SENP6: variants seen among roughly 807,000 people sequenced by gnomAD.
The protein encoded by SENP6 is SUMO specific peptidase 6.
A neutral mutation model predicts 134.5 loss-of-function variants in SENP6; 41 were observed. The ratio of observed to expected loss-of-function variants is 0.30; its 90% CI spans 0.24 to 0.40. The LOEUF (loss-of-function observed/expected upper bound fraction) is 0.40, where lower values mean the gene tolerates loss of function less well. Ranked by LOEUF, SENP6 falls within the 10% of genes least tolerant of loss-of-function variation. SENP6 has a pLI of 1.00. For missense variants in SENP6, 1,248 were observed against 1,312.5 expected (o/e 0.95, Z 0.76); for synonymous variants, 395 against 429.8 (o/e 0.92, Z 1.00).
At chr6:75,635,025 A>T (rs972811053) in intron 5 of SENP6, 3 of 632,590 alleles carry the variant, frequency 4.7e-6, no homozygotes, top group African/African-American at 1.8e-5. Context: ...TTTCACTAAG[A>T]CCTGTTGTAT....
chr6:75,630,521 A>G (rs2149835764), intron 3 of SENP6, among the ~76,000 whole-genome samples: 1 of 152,314 alleles, frequency 6.6e-6, no homozygotes, highest in East Asian at 1.9e-4. Context: ...TATCTCACAG[A>G]GCTCAGACTG....
intron 6 of SENP6, among the ~76,000 whole-genome samples, chr6:75,644,887 G>GAT (rs138033981): frequency 6.6e-6 from 1 of 152,302 alleles, no homozygotes; most frequent in East Asian, 1.9e-4. Flanking sequence ...TAGGGTAAGA[G>GAT]ATATAAGGGT....
chr6:75,667,056 G>A, intron 10 of SENP6, 115 bp downstream of exon 10: 3 of 552,948 alleles, frequency 5.4e-6, no homozygotes, highest in South Asian at 2.6e-5. Flanking sequence ...TATTAAGTGG[G>A]GCTTAAATAC....
At chr6:75,649,871 CAG>C (rs1384062575) in intron 7 of SENP6, among the ~76,000 whole-genome samples, 2 of 152,186 alleles carry the variant, frequency 1.3e-5, no homozygotes, top group East Asian at 3.8e-4. Context: ...AAATTTAATA[CAG>C]AGACATACGT....
At chr6:75,675,295 T>A (rs565788048) in intron 11 of SENP6, 140 bp from the exon 12 acceptor site, 199 of 524,728 alleles carry the variant, frequency 3.8e-4, no homozygotes, top group Non-Finnish European at 5.8e-4. Flanking sequence ...AGGTGTTCAT[T>A]ATAATGTTAT....
At chr6:75,700,003 T>C (rs1330628885) in intron 18 of SENP6, among the ~76,000 whole-genome samples, 1 of 151,714 alleles carries the variant, frequency 6.6e-6, no homozygotes, top group African/African-American at 2.4e-5. Flanking sequence ...TTCAAACTCC[T>C]AGGCTTAAGC....
At chr6:75,691,683 T>C (rs1283401400) in intron 16 of SENP6, among the ~76,000 whole-genome samples, 1 of 151,956 alleles carries the variant, frequency 6.6e-6, no homozygotes, top group Non-Finnish European at 1.5e-5. Context: ...CACTGCAAGC[T>C]CCGCCTCCCT....
At chr6:75,712,253 C>CT (rs1437026720) in intron 21 of SENP6, among the ~76,000 whole-genome samples, 3 of 151,918 alleles carry the variant, frequency 2.0e-5, no homozygotes, top group African/African-American at 7.3e-5. Flanking sequence ...TCTCCTTTGA[C>CT]TTTTTTTTAT....
At chr6:75,694,898 A>G (rs1328435520) in intron 16 of SENP6, among the ~76,000 whole-genome samples, 3 of 151,980 alleles carry the variant, frequency 2.0e-5, no homozygotes, top group Non-Finnish European at 4.4e-5. Context: ...CTTGAGACCA[A>G]GTCTTGGTCT....
intron 7 of SENP6, among the ~76,000 whole-genome samples, chr6:75,654,514 A>C (rs1009561628): frequency 1.3e-5 from 2 of 152,226 alleles, no homozygotes; most frequent in African/African-American, 4.8e-5. Context: ...GCCAGAAGTG[A>C]TTTTTAAAGA....
intron 4 of SENP6, among the ~76,000 whole-genome samples, chr6:75,634,006 A>G (rs1769312769): frequency 6.6e-6 from 1 of 152,194 alleles, no homozygotes; most frequent in Non-Finnish European, 1.5e-5. Context: ...CTCAGTCATA[A>G]TATTTGAAGA....
intron 10 of SENP6, among the ~76,000 whole-genome samples, chr6:75,667,672 A>G (rs1002415915): frequency 6.6e-6 from 1 of 152,196 alleles, no homozygotes; most frequent in Non-Finnish European, 1.5e-5. Flanking sequence ...AAATGTAAAA[A>G]TGACCATTAA....
chr6:75,628,420 C>T (rs184803958), intron 3 of SENP6, among the ~76,000 whole-genome samples: 1 of 152,054 alleles, frequency 6.6e-6, no homozygotes, highest in East Asian at 1.9e-4. Flanking sequence ...AGTATTATTA[C>T]AGATATTTAT....
intron 18 of SENP6, among the ~76,000 whole-genome samples, chr6:75,701,670 C>T (rs71561437): frequency 0.11 from 12,522 of 115,564 alleles, 628 homozygotes; most frequent in Middle Eastern, 0.2. Context: ...GACGGAGTCT[C>T]GCTCTGTCGC....
chr6:75,715,577 A>G lies in SENP6; in HGVS notation c.3322A>G (p.Asn1108Asp), dbSNP rs2149910428. The G allele has an allele frequency of 1.9e-6, 3 of 1,609,676 alleles. No individual in the cohort carries two copies. The Middle Eastern group carries it at 5.0e-4, about 266-fold the overall frequency. ...PLGEGTEQYV[N>D]SISD ...AGGCGAAGGAACAGAACAATATGTC[A>G]ATAGTATCTCAGATTGACCATTTCT... Residue 1108 changes from asparagine to aspartate, a missense_variant, in exon 24 of 24, where the codon AAT (asparagine) becomes GAT (aspartate). Transcript: ENST00000447266.
intron 6 of SENP6, among the ~76,000 whole-genome samples, chr6:75,645,651 T>C (rs902223139): frequency 6.6e-6 from 1 of 152,144 alleles, no homozygotes; most frequent in African/African-American, 2.4e-5. Context: ...TAAATTTTCA[T>C]TTTAGATCAT....
intron 7 of SENP6, among the ~76,000 whole-genome samples, chr6:75,656,136 A>G (rs1771311599): frequency 6.7e-6 from 1 of 149,806 alleles, no homozygotes; most frequent in African/African-American, 2.5e-5. Flanking sequence ...AATTGCTTGA[A>G]CCTGGGAGGC....
At chr6:75,679,372 C>G (rs957775523) in intron 16 of SENP6, 1 of 157,872 alleles carries the variant, frequency 6.3e-6, no homozygotes, top group Non-Finnish European at 1.4e-5. Context: ...CGCCACTGCA[C>G]TCCAGCCTGG....
chr6:75,654,751 A>G (rs1372008261), intron 7 of SENP6, among the ~76,000 whole-genome samples: 8 of 152,228 alleles, frequency 5.3e-5, no homozygotes, highest in Non-Finnish European at 1.2e-4. Context: ...ATCACAACTA[A>G]AATCTCAAAT....
Sources: gnomAD v4.1 joint callset for allele counts (sites outside exome capture counted in the v4.1 genomes callset) on GRCh38, gnomAD v4.1.1 for gene constraint, MANE v1.5 for transcripts, NCBI Gene and HGNC (gene_info 2026-07-23, HGNC 2026-07-21) for gene names.